Variants in C19orf47 observed in about 807,000 individuals in gnomAD.
C19orf47 encodes uncharacterized protein C19orf47.
A neutral mutation model predicts 32.3 loss-of-function variants in C19orf47; 18 were observed. That is an observed-to-expected ratio of 0.56 (90% CI 0.39 to 0.83). C19orf47 has a LOEUF of 0.83. C19orf47 is among the 40% of genes least tolerant of loss of function. The probability of loss-of-function intolerance (pLI) is 0.00; values close to 1 mark genes in which losing one functional copy is unlikely to be tolerated. For synonymous variants in C19orf47, 202 were observed against 211.1 expected (o/e 0.96, Z 0.37); for missense variants, 484 against 531.6 (o/e 0.91, Z 0.88).
At chr19:40,298,175 A>G in the C19orf47 span, among the ~76,000 whole-genome samples, 1 of 151,816 alleles carries the variant, frequency 6.6e-6, no homozygotes, top group African/African-American at 2.4e-5. Flanking sequence ...AAGTAGGATC[A>G]AAGTTGATAA....
chr19:40,345,428 G>A (rs1347004246), intron 1 of C19orf47, among the ~76,000 whole-genome samples: 1 of 151,070 alleles, frequency 6.6e-6, no homozygotes, highest in Non-Finnish European at 1.5e-5. Flanking sequence ...GCCGGGTACA[G>A]TAACTCACAC....
rs368868148 is a variant in C19orf47, at chr19:40,322,153, G to A, written c.887C>T (p.Ala296Val). 29 of 1,613,482 alleles carry A rather than the reference G, an allele frequency of 1.8e-5. No homozygotes were observed. The highest frequency in any genetic ancestry group is 2.2e-5 in the South Asian group (2 of 91,082). The stretch of plus-strand genomic sequence containing the variant: ...CTCAAGCCCAGACCGTGAGGAAAGC[G>A]CCAGGCGCCGCAGTGTCGGGGCAGC... ...TAAAPTLRRLALSSRSGLERK... is the reference protein window; with the variant it reads ...TAAAPTLRRLVLSSRSGLERK... Residue 296 changes from alanine to valine, a missense_variant, in exon 9 of 9, where the codon GCG becomes GTG. Transcript: ENST00000683109.
intron 2 of C19orf47, among the ~76,000 whole-genome samples, chr19:40,338,264 T>TACACACACAC (rs770769948): frequency 2.1e-4 from 16 of 77,622 alleles, no homozygotes; most frequent in African/African-American, 5.6e-4. Context: ...TATACATATA[T>TACACACACAC]ATACACACAC....
intron 1 of C19orf47, among the ~76,000 whole-genome samples, chr19:40,347,092 T>A (rs1359319727): frequency 3.9e-5 from 6 of 152,110 alleles, no homozygotes; most frequent in African/African-American, 1.4e-4. Flanking sequence ...TTCTGAACAG[T>A]ATCCCTATTC....
rs1033564476 is a variant in C19orf47 at position 40,336,231 on chromosome 19, G to A, written c.108-7C>T. On this transcript the variant is annotated splice_polypyrimidine_tract_variant and splice_region_variant and intron_variant, in intron 3 of 8. Coordinates refer to ENST00000683109, the MANE Select transcript of C19orf47 (RefSeq NM_001256441.2). ...CAGCATGCTCTTCTGAATCCTGCAGGGAAAGGTCAGTGGTGAGGCCCCAGG... is the reference window on the plus strand; with the variant it reads ...CAGCATGCTCTTCTGAATCCTGCAGAGAAAGGTCAGTGGTGAGGCCCCAGG... 1.2e-6 allele frequency: 2 copies of A among 1,614,068 alleles called. No homozygotes were observed. The highest frequency in any genetic ancestry group is 1.3e-5 in the African/African-American group (1 of 74,930).
At chr19:40,338,270 C>CACACAG (rs984547169) in intron 2 of C19orf47, among the ~76,000 whole-genome samples, 2 of 145,328 alleles carry the variant, frequency 1.4e-5, no homozygotes, top group Non-Finnish European at 3.0e-5. Flanking sequence ...TATATATACA[C>CACACAG]ACACACACAC....
the C19orf47 span, among the ~76,000 whole-genome samples, chr19:40,296,915 A>G: frequency 2.0e-5 from 3 of 149,520 alleles, no homozygotes; most frequent in African/African-American, 7.3e-5. Flanking sequence ...CCCTGTCTCA[A>G]AAAAAAAAAG....
chr19:40,348,308 C>T lies in C19orf47; in HGVS notation c.-34+16G>A, dbSNP rs1182655359. ...CGCAACCGGCCCAGTCCCACCACCC[C>T]CGGCCCGCGCCTCACCTGGCCCACC... On this transcript the variant is annotated intron_variant, in intron 1 of 8. Coordinates refer to ENST00000683109, the MANE Select transcript of C19orf47 (RefSeq NM_001256441.2). 6 of 1,340,722 alleles carry T rather than the reference C, an allele frequency of 4.5e-6. No homozygotes were observed. Among genetic ancestry groups the T allele is most frequent in the Non-Finnish European group, 5.7e-6 (6 of 1,049,626 alleles). The allele number at this position is 1,340,722 out of a possible 1,614,324, so 83.1% of individuals were successfully genotyped here. A position where few individuals can be genotyped will look rare whatever the true frequency, so the allele number is the denominator to read the frequency against.
chr19:40,335,062 A>AAGGG (rs2078035885), intron 4 of C19orf47, among the ~76,000 whole-genome samples: 1 of 117,338 alleles, frequency 8.5e-6, no homozygotes, highest in Non-Finnish European at 1.8e-5. Flanking sequence ...GGGAGGGAGG[A>AAGGG]AGGGAGGGAG....
chr19:40,348,398 C>T, upstream of C19orf47: 2 of 1,477,168 alleles, frequency 1.4e-6, no homozygotes, highest in Non-Finnish European at 1.8e-6. Flanking sequence ...GACACTCCTC[C>T]CCCGGCCCGG....
intron 5 of C19orf47, among the ~76,000 whole-genome samples, chr19:40,333,107 A>T (rs571536541): frequency 2.0e-4 from 31 of 151,714 alleles, no homozygotes; most frequent in Non-Finnish European, 3.4e-4. Context: ...AAAATACAAA[A>T]ATTAGCCGGG....
At chr19:40,326,199 C>T (rs1465267056) in intron 7 of C19orf47, 135 bp downstream of exon 7, 8 of 1,233,426 alleles carry the variant, frequency 6.5e-6, no homozygotes, top group Non-Finnish European at 8.9e-6. Context: ...CATCACTGTC[C>T]CCTTGGCCTA....
In C19orf47 at chr19:40,324,000, A is replaced by G. The variant is rs750716786; in HGVS notation, c.663+6T>C. On this transcript the variant is annotated splice_donor_region_variant and intron_variant, in intron 8 of 8. Transcript: ENST00000683109. ...CGCCCAGAATCGCTCCCCCATCCCC[A>G]CTCACTTTACTCCCTGTCGTGGTGT... 61 of 1,613,950 alleles carry G rather than the reference A, an allele frequency of 3.8e-5. No individual in the cohort carries two copies. The East Asian group carries it at 1.3e-3, about 35-fold the overall frequency.
chr19:40,341,973 G>A, intron 1 of C19orf47, 83 bp from the exon 2 acceptor site: 1 of 1,532,574 alleles, frequency 6.5e-7, no homozygotes, highest in African/African-American at 1.4e-5. Flanking sequence ...CTGTCTGCAT[G>A]CCAGAGGAAT....
chr19:40,336,505 A>C, intron 2 of C19orf47, 98 bp from the exon 3 acceptor site: 31 of 1,074,670 alleles, frequency 2.9e-5, no homozygotes, highest in Non-Finnish European at 4.0e-5. Flanking sequence ...TTAAATGCTC[A>C]TCATATGCCA....
chr19:40,342,748 TAC>T (rs766671551), intron 1 of C19orf47, among the ~76,000 whole-genome samples: 20 of 152,232 alleles, frequency 1.3e-4, no homozygotes, highest in Admixed American at 5.2e-4. Context: ...CATGTGGTTT[TAC>T]AGAGAAAAAG....
chr19:40,322,506 A>G, intron 8 of C19orf47, 130 bp from the exon 9 acceptor site: 2 of 1,184,286 alleles, frequency 1.7e-6, no homozygotes, highest in Non-Finnish European at 2.3e-6. Context: ...GACACCCCAG[A>G]TAGTGGCGAG....
chr19:40,321,754 C>A lies in C19orf47; in HGVS notation c.*128G>T, dbSNP rs922280135. 7.0e-7 allele frequency: 1 copy of A among 1,436,686 alleles called. No individual in the cohort carries two copies. Among genetic ancestry groups the A allele is most frequent in the Non-Finnish European group, 9.1e-7 (1 of 1,100,118 alleles). 89.0% of individuals were successfully genotyped at this position (1,436,686 alleles called of 1,614,324 possible). Reference sequence around the variant, plus strand: ...TGATCCCCCGAATGCTCGGGCCTAGCTCTAGAGCCCGAGGGAGACAAGCTG... The same window carrying A: ...TGATCCCCCGAATGCTCGGGCCTAGATCTAGAGCCCGAGGGAGACAAGCTG... On this transcript the variant is annotated 3_prime_UTR_variant, in exon 9 of 9. Transcript: ENST00000683109.
rs377632384 is a variant in C19orf47, at chr19:40,322,382, G to A, written c.664-6C>T. ...CGGCTGAAGACTCCTGTGGGCTGTG[G>A]AGGTCAGAGACAGGATGAATGAGTC... On this transcript the variant is annotated splice_polypyrimidine_tract_variant and splice_region_variant and intron_variant, in intron 8 of 8. Transcript: ENST00000683109. 1 of 1,566,668 alleles carries A rather than the reference G, an allele frequency of 6.4e-7. No individual in the cohort carries two copies. The highest frequency in any genetic ancestry group is 8.7e-7 in the Non-Finnish European group (1 of 1,153,908).
Sources: allele counts gnomAD v4.1 joint callset (sites outside exome capture counted in the v4.1 genomes callset), GRCh38; gene constraint gnomAD v4.1.1; transcripts MANE v1.5; gene names NCBI Gene and HGNC (gene_info 2026-07-23, HGNC 2026-07-21).